SNX13: variants seen among roughly 807,000 people sequenced by gnomAD.
The protein encoded by SNX13 is sorting nexin-13.
Under a neutral mutation model 133.6 loss-of-function variants are expected in SNX13, and 45 were observed. That is an observed-to-expected ratio of 0.34 (90% CI 0.27 to 0.43). The LOEUF is 0.43. Ranked by LOEUF, SNX13 falls within the 20% of genes least tolerant of loss-of-function variation. SNX13 has a pLI of 1.00. For missense variants in SNX13, 1,032 were observed against 1,145.1 expected (o/e 0.90, Z 1.43); for synonymous variants, 414 against 373.9 (o/e 1.11, Z -1.24).
In SNX13 at chr7:17,850,810, T is replaced by TA; in HGVS notation, c.976+15dup. 6.6e-7 allele frequency: 1 copy of TA among 1,522,490 alleles called. No individual in the cohort carries two copies. Among genetic ancestry groups the TA allele is most frequent in the South Asian group, 1.3e-5 (1 of 76,664 alleles). The allele number at this position is 1,522,490 out of a possible 1,614,324, so 94.3% of individuals were successfully genotyped here. The stretch of plus-strand genomic sequence containing the variant: ...TACTTCAAAAAAATATATCTTAAAT[T>TA]AAATACATTACTTACCATCACCAGC... On this transcript the variant is annotated intron_variant, in intron 10 of 25. Transcript: ENST00000428135.
At chr7:17,801,036 A>C (rs1280981774) in intron 22 of SNX13, among the ~76,000 whole-genome samples, 1 of 21,074 alleles carries the variant, frequency 4.7e-5, no homozygotes, top group African/African-American at 1.4e-4. Flanking sequence ...ATATATATAT[A>C]TATATATATA....
At chr7:17,857,052 A>T (rs559373609) in intron 9 of SNX13, among the ~76,000 whole-genome samples, 11 of 152,092 alleles carry the variant, frequency 7.2e-5, no homozygotes, top group Admixed American at 7.2e-4. Context: ...ATGAAAATGG[A>T]TATACTACAA....
chr7:17,802,831 T>C (rs959332465), intron 21 of SNX13, among the ~76,000 whole-genome samples: 1 of 152,140 alleles, frequency 6.6e-6, no homozygotes, highest in South Asian at 2.1e-4. Flanking sequence ...TTTTAAAATG[T>C]TAATTAGGAA....
At chr7:17,868,378 A>C (rs765910714) in intron 9 of SNX13, 29 bp downstream of exon 9, 2 of 1,496,116 alleles carry the variant, frequency 1.3e-6, no homozygotes, top group Non-Finnish European at 1.8e-6. Flanking sequence ...TATTTCTAAA[A>C]CAGAGTTGTA....
In SNX13 at chr7:17,805,265, G is replaced by GCGCGCGCGCGCA. The variant is rs771908159; in HGVS notation, c.2065-1686_2065-1685insTGCGCGCGCGCG. Among the ~76,000 whole-genome samples, 608 of 146,042 alleles carry GCGCGCGCGCGCA rather than the reference G, an allele frequency of 4.2e-3. 8 individuals carry two copies. Among genetic ancestry groups the GCGCGCGCGCGCA allele is most frequent in the Middle Eastern group, 0.014 (4 of 288 alleles). ...TGTGTGTGTGTGCGTGCGCGCGCGC[G>GCGCGCGCGCGCA]CATGCATGCACATGTGTAATTCTAA... On this transcript the variant is annotated intron_variant, in intron 20 of 25. Transcript: ENST00000428135.
intron 5 of SNX13, chr7:17,881,362 TAA>T (rs892519597): frequency 1.3e-5 from 2 of 151,810 alleles, no homozygotes; most frequent in African/African-American, 4.8e-5. Flanking sequence ...ACACGCACGT[TAA>T]GAGTTGGCCT....
rs1385223671 is a variant in SNX13 at position 17,940,354 on chromosome 7, C to T, written c.-59G>A. On this transcript the variant is annotated 5_prime_UTR_variant, in exon 1 of 26. Coordinates refer to ENST00000428135, the MANE Select transcript of SNX13 (RefSeq NM_015132.5). ...CCTCGCCTCATGGCAACAGCCGTAG[C>T]AGCAGCGAAAACTGCTCGGGCCGCC... The T allele has an allele frequency of 7.1e-6, 11 of 1,553,134 alleles. No individual in the cohort carries two copies. Among genetic ancestry groups the T allele is most frequent in the Non-Finnish European group, 9.6e-6 (11 of 1,147,822 alleles).
chr7:17,893,185 T>C, intron 3 of SNX13, 147 bp downstream of exon 3: 1 of 530,104 alleles, frequency 1.9e-6, no homozygotes, highest in East Asian at 3.5e-5. Flanking sequence ...ATATATTTTC[T>C]AAGTATAATT....
chr7:17,848,780 C>G (rs1318568406), intron 11 of SNX13, among the ~76,000 whole-genome samples: 1 of 152,204 alleles, frequency 6.6e-6, no homozygotes, highest in Non-Finnish European at 1.5e-5. Context: ...TCACGCGCTC[C>G]CCACCACAAA....
intron 24 of SNX13, among the ~76,000 whole-genome samples, chr7:17,798,318 T>C (rs1484565189): frequency 6.6e-6 from 1 of 151,844 alleles, no homozygotes; most frequent in African/African-American, 2.4e-5. Context: ...CTTAAAACAA[T>C]TTCATTTAAA....
intron 8 of SNX13, among the ~76,000 whole-genome samples, chr7:17,873,198 C>T (rs967342661): frequency 6.6e-6 from 1 of 152,280 alleles, no homozygotes; most frequent in Non-Finnish European, 1.5e-5. Context: ...TCAGGTGACC[C>T]TTTCAACACC....
intron 1 of SNX13, chr7:17,907,311 G>C (rs933649331): frequency 1.3e-5 from 2 of 152,036 alleles, no homozygotes; most frequent in Non-Finnish European, 2.9e-5. Context: ...ATAATTTTCT[G>C]GAGCTTCCAG....
At chr7:17,825,282 GACTA>G (rs1787774966) in intron 17 of SNX13, among the ~76,000 whole-genome samples, 1 of 148,572 alleles carries the variant, frequency 6.7e-6, no homozygotes, top group African/African-American at 2.4e-5. Flanking sequence ...GACTAGACTA[GACTA>G]GACTAGACTA....
In SNX13 at chr7:17,813,631, G is replaced by C. The variant is rs1316179029; in HGVS notation, c.2064+1203C>G. On this transcript the variant is annotated intron_variant, in intron 20 of 25. Coordinates refer to ENST00000428135, the MANE Select transcript of SNX13 (RefSeq NM_015132.5). ...AGACAGGGTCTTGCTCTCTCACACA[G>C]GCTGGAGTGCAGTGGCATGACCATG... Among the ~76,000 whole-genome samples the C allele has an allele frequency of 2.0e-5, 3 of 149,312 alleles. No individual in the cohort carries two copies. The East Asian group carries it at 5.9e-4, about 29-fold the overall frequency.
Position 17,845,670 on chromosome 7 carries a change from C to G in SNX13, c.1090G>C (p.Ala364Pro). 1 of 1,598,574 alleles carries G rather than the reference C, an allele frequency of 6.3e-7. No individual in the cohort carries two copies. Among genetic ancestry groups the G allele is most frequent in the Non-Finnish European group, 8.5e-7 (1 of 1,172,728 alleles). Residue 364 changes from alanine (A) to proline (P), a missense_variant, in exon 12 of 26, where the codon GCA (alanine) becomes CCA (proline). Transcript: ENST00000428135. The stretch of plus-strand genomic sequence containing the variant: ...ACTGTGCAAAGTTTCCCAAAGTTTG[C>G]TGCAAGTTTCACAGTATTTATTTCC... Reference protein sequence around the residue: ...GKEINTVKLAANFGKLCTVPL... With the variant: ...GKEINTVKLAPNFGKLCTVPL...
chr7:17,832,494 G>C, intron 15 of SNX13: 2 of 982,500 alleles, frequency 2.0e-6, no homozygotes, highest in Non-Finnish European at 2.4e-6. Context: ...TCACAAATAC[G>C]AAGAAATTTC....
At chr7:17,931,937 A>G (rs1381912579) in intron 1 of SNX13, among the ~76,000 whole-genome samples, 1 of 152,196 alleles carries the variant, frequency 6.6e-6, no homozygotes, top group Non-Finnish European at 1.5e-5. Flanking sequence ...TTGAACAGAG[A>G]CGCATTTTAG....
At chr7:17,937,535 GAT>G (rs1318662201) in intron 1 of SNX13, among the ~76,000 whole-genome samples, 1 of 125,600 alleles carries the variant, frequency 8.0e-6, no homozygotes, top group African/African-American at 2.9e-5. Context: ...AAAAAAAAAA[GAT>G]ATATTTTCAC....
chr7:17,916,209 C>A (rs866395223), intron 1 of SNX13, among the ~76,000 whole-genome samples: 1 of 151,930 alleles, frequency 6.6e-6, no homozygotes, highest in African/African-American at 2.4e-5. Context: ...CAATTAACAA[C>A]CTCACCTCGC....
Sources: allele counts gnomAD v4.1 joint callset (sites outside exome capture counted in the v4.1 genomes callset), GRCh38; gene constraint gnomAD v4.1.1; transcripts MANE v1.5; gene names NCBI Gene and HGNC (gene_info 2026-07-23, HGNC 2026-07-21).